Variants in DSCAML1 observed in about 807,000 individuals in gnomAD.
The protein encoded by DSCAML1 is cell adhesion molecule DSCAML1.
A neutral mutation model predicts 200.5 loss-of-function variants in DSCAML1; 38 were observed. That is an observed-to-expected ratio of 0.19 (90% CI 0.15 to 0.25). The LOEUF (loss-of-function observed/expected upper bound fraction) is 0.25. Ranked by LOEUF, DSCAML1 falls within the 10% of genes least tolerant of loss-of-function variation. The probability of loss-of-function intolerance (pLI) is 1.00; values close to 1 mark genes in which losing one functional copy is unlikely to be tolerated. For missense variants in DSCAML1, 2,223 were observed against 2,858.8 expected, an observed-to-expected ratio of 0.78 and a Z score of 5.07; for synonymous variants, 1,215 against 1,165.0, an observed-to-expected ratio of 1.04 and a Z score of -0.87.
chr11:117,674,614 C>A (rs2053174652), intron 3 of DSCAML1, among the ~76,000 whole-genome samples: 1 of 152,168 alleles, frequency 6.6e-6, no homozygotes, highest in Admixed American at 6.5e-5. Context: ...TATCCCGCTG[C>A]AGATTCAGGA....
At chr11:117,563,616 T>G (rs1333836029) in intron 3 of DSCAML1, among the ~76,000 whole-genome samples, 1 of 152,338 alleles carries the variant, frequency 6.6e-6, no homozygotes, top group South Asian at 2.1e-4. Context: ...GTGCCTACTT[T>G]GTGACCATTG....
At chr11:117,759,752 C>T (rs1347816568) in intron 3 of DSCAML1, among the ~76,000 whole-genome samples, 6 of 151,910 alleles carry the variant, frequency 3.9e-5, no homozygotes, top group African/African-American at 7.3e-5. Context: ...AAGAAGGCCT[C>T]GCAGCCCCAT....
At chr11:117,752,345 C>A (rs2054618993) in intron 3 of DSCAML1, among the ~76,000 whole-genome samples, 1 of 152,130 alleles carries the variant, frequency 6.6e-6, no homozygotes, top group South Asian at 2.1e-4. Context: ...ATGTTAGGGT[C>A]TCATTAATAA....
At chr11:117,430,533 G>A (rs1224550194) in intron 32 of DSCAML1, among the ~76,000 whole-genome samples, 189 bp downstream of exon 32, 1 of 152,252 alleles carries the variant, frequency 6.6e-6, no homozygotes, top group African/African-American at 2.4e-5. Flanking sequence ...ATAGGAAGAG[G>A]TTAAGCCAGG....
At chr11:117,542,974 C>G (rs1394565321) in intron 3 of DSCAML1, among the ~76,000 whole-genome samples, 2 of 152,228 alleles carry the variant, frequency 1.3e-5, no homozygotes, top group Admixed American at 1.3e-4. Flanking sequence ...GTGGACTTCT[C>G]TCTCCTTTCT....
chr11:117,542,437 C>T (rs904719359), intron 3 of DSCAML1, among the ~76,000 whole-genome samples: 2 of 152,200 alleles, frequency 1.3e-5, no homozygotes, highest in South Asian at 2.1e-4. Flanking sequence ...GTGGTTCCAT[C>T]TCTGCCTGTC....
intron 3 of DSCAML1, among the ~76,000 whole-genome samples, chr11:117,749,945 T>C (rs939786184): frequency 1.3e-5 from 2 of 152,220 alleles, no homozygotes; most frequent in African/African-American, 4.8e-5. Flanking sequence ...GCAGGGAACA[T>C]GGAAACGTAA....
intron 3 of DSCAML1, among the ~76,000 whole-genome samples, chr11:117,610,847 C>T (rs111317075): frequency 2.0e-5 from 3 of 147,540 alleles, no homozygotes; most frequent in Admixed American, 1.3e-4. Context: ...ACAACCCCCC[C>T]CCCCCACAAT....
intron 16 of DSCAML1, among the ~76,000 whole-genome samples, chr11:117,465,764 GAAT>G (rs1251525494): frequency 2.0e-5 from 3 of 151,772 alleles, no homozygotes; most frequent in African/African-American, 7.3e-5. Context: ...ATGAATGAAT[GAAT>G]GAATGAATGA....
intron 3 of DSCAML1, among the ~76,000 whole-genome samples, chr11:117,568,639 A>C (rs1262862824): frequency 2.0e-5 from 3 of 152,126 alleles, no homozygotes; most frequent in Non-Finnish European, 4.4e-5. Context: ...AAGAGAATAA[A>C]ATACCTAGGA....
chr11:117,629,046 G>A (rs1162991676), intron 3 of DSCAML1, among the ~76,000 whole-genome samples: 1 of 152,126 alleles, frequency 6.6e-6, no homozygotes, highest in Non-Finnish European at 1.5e-5. Context: ...GAGCCAGCAG[G>A]CCCTGAGCAC....
intron 3 of DSCAML1, among the ~76,000 whole-genome samples, chr11:117,615,206 C>T (rs552580102): frequency 3.3e-5 from 5 of 152,050 alleles, no homozygotes; most frequent in South Asian, 2.1e-4. Flanking sequence ...CTGGCTGCTG[C>T]GAAGGTGAAA....
At chr11:117,732,130 G>A (rs2054232366) in intron 3 of DSCAML1, among the ~76,000 whole-genome samples, 1 of 152,250 alleles carries the variant, frequency 6.6e-6, no homozygotes, top group Non-Finnish European at 1.5e-5. Flanking sequence ...GCAGACTCCT[G>A]AAGACTGCAG....
Position 117,504,956 on chromosome 11 carries a change from G to A in DSCAML1, c.2150C>T (p.Pro717Leu). The change falls in exon 10 of 33, where the codon CCC becomes CTC. Residue 717 changes from proline (P) to leucine (L), a missense_variant. Physicochemically the swap from Pro to Leu is moderately conservative, Grantham distance 98 (BLOSUM62 -3). Around this residue, in one of 7 missense-constraint regions of DSCAML1, gnomAD observed 212 missense variants for 368.0 expected, o/e 0.58. Coordinates refer to ENST00000651296, the MANE Select transcript of DSCAML1 (RefSeq NM_020693.4). The surrounding 1 kb of genome is among the most constrained non-coding windows in gnomAD (Gnocchi z 5.0). ...ATGCTTCCACATGACCTTGGGTGGGGGGTAGCCGTCCACCGAGCAGTTGAG... is the reference window on the plus strand; with the variant it reads ...ATGCTTCCACATGACCTTGGGTGGGAGGTAGCCGTCCACCGAGCAGTTGAG... ...GVLNCSVDGYPPPKVMWKHAK... is the reference protein window; with the variant it reads ...GVLNCSVDGYLPPKVMWKHAK... 1 of 1,611,336 alleles carries A rather than the reference G, an allele frequency of 6.2e-7. No homozygotes were observed. The highest frequency in any genetic ancestry group is 8.5e-7 in the Non-Finnish European group (1 of 1,178,298).
intron 3 of DSCAML1, among the ~76,000 whole-genome samples, chr11:117,738,914 T>C (rs1427312557): frequency 6.6e-6 from 1 of 152,184 alleles, no homozygotes; most frequent in Non-Finnish European, 1.5e-5. Flanking sequence ...TGAAGAGATG[T>C]ATTGTCACAT....
At chr11:117,699,483 C>T (rs1197082345) in intron 3 of DSCAML1, among the ~76,000 whole-genome samples, 5 of 152,290 alleles carry the variant, frequency 3.3e-5, no homozygotes, top group South Asian at 2.1e-4. Flanking sequence ...AGGGAGGTGA[C>T]GCAGGAAAAC....
intron 3 of DSCAML1, among the ~76,000 whole-genome samples, chr11:117,672,550 C>T (rs528757803): frequency 6.6e-4 from 100 of 152,306 alleles, no homozygotes; most frequent in African/African-American, 2.3e-3. Flanking sequence ...CACCTGTACA[C>T]GAAACAGTTC....
chr11:117,762,968 A>C (rs979965243), intron 3 of DSCAML1, among the ~76,000 whole-genome samples: 3 of 152,138 alleles, frequency 2.0e-5, no homozygotes, highest in Non-Finnish European at 4.4e-5. Flanking sequence ...TATTTTATAA[A>C]AAGTGAGAGA....
intron 3 of DSCAML1, among the ~76,000 whole-genome samples, chr11:117,735,504 C>T (rs532382628): frequency 3.3e-5 from 5 of 151,854 alleles, no homozygotes; most frequent in East Asian, 1.9e-4. Flanking sequence ...CAGGGGTGGG[C>T]GGGGCTGTCT....
Sources: gnomAD v4.1 joint callset for allele counts (sites outside exome capture counted in the v4.1 genomes callset) on GRCh38, gnomAD v4.1.1 for gene constraint, gnomAD v4.1.1 regional missense constraint, Gnocchi (gnomAD v3.1) non-coding constraint, MANE v1.5 for transcripts, NCBI Gene and HGNC (gene_info 2026-07-23, HGNC 2026-07-21) for gene names.